CEP120: variants seen among roughly 807,000 people sequenced by gnomAD.
The protein encoded by CEP120 is centrosomal protein 120.
A neutral mutation model predicts 126.5 loss-of-function variants in CEP120; 113 were observed. That is an observed-to-expected ratio of 0.89 (90% CI 0.77 to 1.04). The LOEUF (loss-of-function observed/expected upper bound fraction) is 1.04. CEP120 is among the 50% of genes least tolerant of loss of function. CEP120 has a pLI of 0.00. For missense variants in CEP120, 1,230 were observed against 1,155.7 expected, an observed-to-expected ratio of 1.06 and a Z score of -0.93; for synonymous variants, 400 against 394.3, an observed-to-expected ratio of 1.01 and a Z score of -0.17.
Position 123,346,753 on chromosome 5 carries a change from C to A in CEP120, c.2727G>T (p.Arg909Ser). The A allele has an allele frequency of 6.3e-7, 1 of 1,589,622 alleles. No homozygotes were observed. The highest frequency in any genetic ancestry group is 8.5e-7 in the Non-Finnish European group (1 of 1,170,886). ...ELLDIRNELN[R>S]LRQQEQKQYQ... is the part of the protein sequence containing the mutation. ...ATTGTTTTTGCTCTTGTTGCCTTAA[C>A]CTGAGAAGTCAAGAACAAATGCCAC... is the stretch of plus-strand genomic sequence containing the variant. The change falls in exon 20 of 20, where the codon AGG becomes AGT. Residue 909 changes from arginine (R) to serine (S), a missense_variant and splice_region_variant. Physicochemically the swap from Arg to Ser is moderately radical, Grantham distance 110. Coordinates refer to ENST00000306467, the MANE Select transcript of CEP120 (RefSeq NM_001375405.1).
intron 14 of CEP120, among the ~76,000 whole-genome samples, chr5:123,381,358 G>A (rs1459636282): frequency 1.4e-5 from 2 of 145,378 alleles, no homozygotes; most frequent in Admixed American, 7.0e-5. Context: ...GTTGATGAGA[G>A]GAGGGGGTTA....
chr5:123,359,349 C>T (rs994513915), intron 18 of CEP120, among the ~76,000 whole-genome samples: 2 of 151,998 alleles, frequency 1.3e-5, no homozygotes, highest in African/African-American at 2.4e-5. Context: ...ACTCATACTT[C>T]ATAACAATGC....
At position 123,393,874 on chromosome 5, in the gene CEP120, A is replaced by G. The variant is rs557887953; in HGVS notation, c.613-377T>C. 5.9e-5 allele frequency among the ~76,000 whole-genome samples: 9 copies of G among 152,338 alleles called. No individual in the cohort carries two copies. In the South Asian group the frequency reaches 1.9e-3, roughly 32 times the overall value. On this transcript the variant is annotated intron_variant, in intron 5 of 19. Transcript: ENST00000306467. Reference sequence around the variant, plus strand: ...TACTTCCTCAGCCATCAGAGGCTCTATGTTATGAATGAGGAAAGGTTTTAA... The same window carrying G: ...TACTTCCTCAGCCATCAGAGGCTCTGTGTTATGAATGAGGAAAGGTTTTAA...
At chr5:123,351,120 T>C (rs1769171210) in intron 18 of CEP120, among the ~76,000 whole-genome samples, 1 of 152,172 alleles carries the variant, frequency 6.6e-6, no homozygotes, top group South Asian at 2.1e-4. Flanking sequence ...TGATATACTT[T>C]CACAAAGTAG....
chr5:123,404,742 G>A (rs977058533), intron 4 of CEP120, among the ~76,000 whole-genome samples: 7 of 152,104 alleles, frequency 4.6e-5, no homozygotes, highest in East Asian at 3.8e-4. Flanking sequence ...TACAAACACC[G>A]CTATTAACAT....
intron 14 of CEP120, 85 bp downstream of exon 14, chr5:123,382,026 C>T (rs2127046958): frequency 2.2e-6 from 2 of 919,952 alleles, no homozygotes; most frequent in Middle Eastern, 4.6e-4. Flanking sequence ...TTAGTTATTC[C>T]TTCCAGAGAC....
intron 18 of CEP120, among the ~76,000 whole-genome samples, chr5:123,356,340 C>T (rs568619570): frequency 6.6e-6 from 1 of 151,930 alleles, no homozygotes; most frequent in Non-Finnish European, 1.5e-5. Flanking sequence ...AGCTTGATGG[C>T]AATGGCATTG....
rs779904226 is a variant in CEP120, at chr5:123,378,441, A to T, written c.2104-13T>A. 220 of 129,810 alleles carry T rather than the reference A, an allele frequency of 1.7e-3. No homozygotes were observed. The highest frequency in any genetic ancestry group is 2.4e-3 in the Non-Finnish European group (179 of 74,548). The allele number at this position is 129,810 out of a possible 1,614,324, so 8.0% of individuals were successfully genotyped here. A position where few individuals can be genotyped will look rare whatever the true frequency, so the allele number is the denominator to read the frequency against. ...TATATTCAGCCACCTAAAATATAGTAAAAAAAAAAAAAAAAAAGTTACCTA... is the reference window on the plus strand; with the variant it reads ...TATATTCAGCCACCTAAAATATAGTTAAAAAAAAAAAAAAAAAGTTACCTA... On this transcript the variant is annotated splice_polypyrimidine_tract_variant and intron_variant, in intron 14 of 19. Coordinates refer to ENST00000306467, the MANE Select transcript of CEP120 (RefSeq NM_001375405.1).
chr5:123,397,548 T>G (rs906896777), intron 5 of CEP120, among the ~76,000 whole-genome samples: 2 of 152,118 alleles, frequency 1.3e-5, no homozygotes, highest in African/African-American at 2.4e-5. Context: ...GAAACTGATA[T>G]AAAGGCAAAA....
chr5:123,384,200 A>G (rs1005735118), intron 11 of CEP120, among the ~76,000 whole-genome samples: 2 of 152,154 alleles, frequency 1.3e-5, no homozygotes, highest in Non-Finnish European at 2.9e-5. Flanking sequence ...AGATTCTTCA[A>G]TAATAGGAGT....
At chr5:123,384,245 G>A (rs1189338173) in intron 11 of CEP120, among the ~76,000 whole-genome samples, 1 of 151,916 alleles carries the variant, frequency 6.6e-6, no homozygotes, top group Non-Finnish European at 1.5e-5. Context: ...GAGGAATAAG[G>A]AAAGACATTT....
chr5:123,382,192 C>T lies in CEP120; in HGVS notation c.2022G>A (p.Gln674=). ...GAGCCTGCATATGAGCCAGTTCTTTCTGCTTCAGCTACAAAAGGAAGAAAA... is the reference window on the plus strand; with the variant it reads ...GAGCCTGCATATGAGCCAGTTCTTTTTGCTTCAGCTACAAAAGGAAGAAAA... ...QEDIFENQLK[Q]KELAHMQALA... The change falls in exon 14 of 20, where the codon CAG becomes CAA. Residue 674 remains glutamine, a synonymous_variant. Coordinates refer to ENST00000306467, the MANE Select transcript of CEP120 (RefSeq NM_001375405.1). 1 of 1,601,030 alleles carries T rather than the reference C, an allele frequency of 6.2e-7. No individual in the cohort carries two copies. Among genetic ancestry groups the T allele is most frequent in the Non-Finnish European group, 8.5e-7 (1 of 1,174,074 alleles).
chr5:123,415,181 GGAGGC>G lies in CEP120; in HGVS notation c.321+824_321+828del, dbSNP rs1280832121. ...AAGGAATGCAAGGAGCAGGAAGCAG[GGAGGC>G]TATTATGATAGCCAAGGTAAGAAAC... On this transcript the variant is annotated intron_variant, in intron 3 of 19. Coordinates refer to ENST00000306467, the MANE Select transcript of CEP120 (RefSeq NM_001375405.1). Among the ~76,000 whole-genome samples the G allele has an allele frequency of 2.7e-4, 41 of 152,244 alleles. No homozygotes were observed. In the South Asian group the frequency reaches 8.1e-3, roughly 30 times the overall value.
chr5:123,416,802 T>C (rs757513729), intron 2 of CEP120, among the ~76,000 whole-genome samples: 2 of 152,140 alleles, frequency 1.3e-5, no homozygotes, highest in Non-Finnish European at 2.9e-5. Flanking sequence ...ATTTCTCTTA[T>C]ACTGTAACAT....
chr5:123,395,780 C>A (rs1374455433), intron 5 of CEP120, among the ~76,000 whole-genome samples: 4 of 150,594 alleles, frequency 2.7e-5, no homozygotes, highest in Non-Finnish European at 5.9e-5. Flanking sequence ...CTCCTGGGTT[C>A]ACGCCATTCT....
chr5:123,347,397 G>GA (rs899246630), intron 19 of CEP120, among the ~76,000 whole-genome samples: 2 of 151,938 alleles, frequency 1.3e-5, no homozygotes, highest in Non-Finnish European at 2.9e-5. Flanking sequence ...AGTGAACCAA[G>GA]AAAAAAATTC....
chr5:123,388,343 T>G, intron 9 of CEP120, 89 bp downstream of exon 9: 1 of 865,006 alleles, frequency 1.2e-6, no homozygotes, highest in Non-Finnish European at 1.7e-6. Flanking sequence ...TTATAACTTC[T>G]TTGGTGACAT....
At chr5:123,421,741 C>T (rs1056715940) in intron 1 of CEP120, among the ~76,000 whole-genome samples, 8 of 152,248 alleles carry the variant, frequency 5.3e-5, no homozygotes, top group Admixed American at 3.9e-4. Context: ...TTCCTCATAG[C>T]ATGGTCAGTT....
chr5:123,416,046 G>A lies in CEP120; in HGVS notation c.285C>T (p.Ile95=), dbSNP rs367752008. The change falls in exon 3 of 20, where the codon ATC becomes ATT. Residue 95 remains isoleucine, a synonymous_variant. Coordinates refer to ENST00000306467, the MANE Select transcript of CEP120 (RefSeq NM_001375405.1). ...CTTGAGCGGTTCTTAAATCCAGAACGATGTAACCTATGGTTTCCTTGGCTG... is the reference window on the plus strand; with the variant it reads ...CTTGAGCGGTTCTTAAATCCAGAACAATGTAACCTATGGTTTCCTTGGCTG... ...VTSAKETIGY[I]VLDLRTAQET... 1.2e-4 allele frequency: 187 copies of A among 1,613,838 alleles called. No homozygotes were observed. Among genetic ancestry groups the A allele is most frequent in the Non-Finnish European group, 1.3e-4 (158 of 1,179,872 alleles).
Sources: allele counts gnomAD v4.1 joint callset (sites outside exome capture counted in the v4.1 genomes callset), GRCh38; gene constraint gnomAD v4.1.1; transcripts MANE v1.5; gene names NCBI Gene and HGNC (gene_info 2026-07-23, HGNC 2026-07-21).